FGFR2: variants seen among roughly 807,000 people sequenced by gnomAD.
The protein encoded by FGFR2 is BEK fibroblast growth factor receptor.
In FGFR2, 19 loss-of-function variants were observed where a neutral mutation model predicts 95.9. That is an observed-to-expected ratio of 0.20 (90% confidence interval 0.14 to 0.29). The LOEUF is 0.29. Among genes scored for constraint, FGFR2 ranks in the 10% least tolerant of loss-of-function variants. The probability of loss-of-function intolerance (pLI) is 1.00; values close to 1 mark genes in which losing one functional copy is unlikely to be tolerated. For missense variants in FGFR2, 707 were observed against 1,056.9 expected, an observed-to-expected ratio of 0.67 and a Z score of 4.59; for synonymous variants, 392 against 393.3, an observed-to-expected ratio of 1.00 and a Z score of 0.04.
intron 3 of FGFR2, 60 bp from the exon 4 acceptor site, chr10:121,564,639 T>G: frequency 6.8e-7 from 1 of 1,467,172 alleles, no homozygotes; most frequent in South Asian, 1.1e-5. Context: ...AGGTTGCAAT[T>G]ATCTACAACT....
intron 6 of FGFR2, among the ~76,000 whole-genome samples, chr10:121,522,814 A>AGGTG (rs759865566): frequency 3.9e-5 from 6 of 152,128 alleles, no homozygotes; most frequent in Non-Finnish European, 8.8e-5. Flanking sequence ...TTCCTCCCCT[A>AGGTG]GGTGTGGGTA....
At chr10:121,519,944 A>G (rs1047926589) in intron 7 of FGFR2, 35 bp downstream of exon 7, 1 of 1,604,086 alleles carries the variant, frequency 6.2e-7, no homozygotes, top group Non-Finnish European at 8.5e-7. Flanking sequence ...AGGAGACCCC[A>G]GTTGTGGGTA....
chr10:121,512,552 GT>G (rs1554925531), intron 9 of FGFR2, among the ~76,000 whole-genome samples: 8 of 151,512 alleles, frequency 5.3e-5, no homozygotes, highest in Non-Finnish European at 1.0e-4. Context: ...TTGGGTTTTT[GT>G]TTTGTTTTGT....
intron 6 of FGFR2, among the ~76,000 whole-genome samples, chr10:121,521,703 G>A (rs2981443): frequency 0.9 from 136,248 of 151,732 alleles, 62,985 homozygotes; most frequent in East Asian, 1. Context: ...GAACCCCTGC[G>A]CACTGTTGGT....
intron 13 of FGFR2, among the ~76,000 whole-genome samples, chr10:121,494,757 A>G (rs1846556276): frequency 6.6e-6 from 1 of 152,162 alleles, no homozygotes; most frequent in Admixed American, 6.5e-5. Flanking sequence ...TGGCTGGACC[A>G]CTTAAAACTG....
At chr10:121,486,367 G>C (rs181425865) in intron 15 of FGFR2, among the ~76,000 whole-genome samples, 1 of 152,270 alleles carries the variant, frequency 6.6e-6, no homozygotes, top group East Asian at 1.9e-4. Context: ...TAGGATTGTT[G>C]AGAGGACCAA....
intron 2 of FGFR2, among the ~76,000 whole-genome samples, chr10:121,581,941 T>TTTTTTA (rs56153419): frequency 3.6e-4 from 53 of 148,914 alleles, no homozygotes; most frequent in East Asian, 6.0e-4. Context: ...TGATTTTTTT[T>TTTTTTA]TTTATTTTTG....
intron 2 of FGFR2, among the ~76,000 whole-genome samples, chr10:121,583,768 A>G (rs1290209575): frequency 6.6e-6 from 1 of 151,808 alleles, no homozygotes; most frequent in Non-Finnish European, 1.5e-5. Flanking sequence ...GCAAAAAAAA[A>G]AAATCCTCCT....
Position 121,488,035 on chromosome 10 carries a change from C to T in FGFR2, c.1942G>A (p.Ala648Thr), listed in dbSNP as rs121918508. ...NVMKIADFGL[A>T]RDINNIDYYK... ...TAGTCTATATTGTTGATATCTCTGG[C>T]GAGTCCAAAGTCTGCTATTTTCATC... Residue 648 changes from alanine to threonine, a missense_variant, in exon 14 of 18, where the codon GCC becomes ACC. Physicochemically the swap from Ala to Thr is moderately conservative, Grantham distance 58 (BLOSUM62 0). Transcript: ENST00000358487. The T allele has an allele frequency of 6.2e-7, 1 of 1,614,030 alleles. No homozygotes were observed. Among genetic ancestry groups the T allele is most frequent in the Non-Finnish European group, 8.5e-7 (1 of 1,180,000 alleles).
At chr10:121,578,593 A>G (rs981503931) in intron 2 of FGFR2, among the ~76,000 whole-genome samples, 14 of 152,260 alleles carry the variant, frequency 9.2e-5, no homozygotes, top group African/African-American at 3.1e-4. Flanking sequence ...AGTTTAAGAC[A>G]GCTTCCTTGC....
chr10:121,566,607 G>A (rs1368527525), intron 2 of FGFR2, among the ~76,000 whole-genome samples: 1 of 152,118 alleles, frequency 6.6e-6, no homozygotes, highest in Non-Finnish European at 1.5e-5. Flanking sequence ...GGTCCTCCGT[G>A]ATGGGAGTCA....
rs148528454 is a variant in FGFR2 at position 121,559,420 on chromosome 10, G to A, written c.454+5082C>T. The stretch of plus-strand genomic sequence containing the variant: ...CCTTTCCTGCCTTGCCAATTACCCC[G>A]GCCGTGGCATTCCTCTGTCCACACA... On this transcript the variant is annotated intron_variant, in intron 4 of 17. Transcript: ENST00000358487. Among the ~76,000 whole-genome samples the A allele has an allele frequency of 3.3e-3, 506 of 152,240 alleles. 10 individuals carry two copies. The highest frequency in any genetic ancestry group is 0.023 in the East Asian group (121 of 5,186).
chr10:121,497,090 C>T (rs1055993203), intron 12 of FGFR2, among the ~76,000 whole-genome samples: 1 of 146,318 alleles, frequency 6.8e-6, no homozygotes, highest in Non-Finnish European at 1.5e-5. Flanking sequence ...GAGATCACAC[C>T]ACTGCACTGC....
At chr10:121,519,276 G>T (rs1464261468) in intron 7 of FGFR2, among the ~76,000 whole-genome samples, 1 of 152,142 alleles carries the variant, frequency 6.6e-6, no homozygotes, top group African/African-American at 2.4e-5. Flanking sequence ...AGCTGCCCCT[G>T]TCCTCAGTCT....
intron 2 of FGFR2, among the ~76,000 whole-genome samples, chr10:121,573,021 G>A (rs547897344): frequency 1.3e-5 from 2 of 152,386 alleles, no homozygotes; most frequent in African/African-American, 4.8e-5. Flanking sequence ...CTCAGCGGGA[G>A]GGTTGTCTTG....
chr10:121,589,045 A>G (rs1260698524), intron 2 of FGFR2, among the ~76,000 whole-genome samples: 2 of 152,198 alleles, frequency 1.3e-5, no homozygotes, highest in Non-Finnish European at 2.9e-5. Flanking sequence ...AGCCTAAAAA[A>G]CTTCCAAAAA....
At position 121,518,713 on chromosome 10, in the gene FGFR2, A is replaced by C; in HGVS notation, c.940-1250T>G. On this transcript the variant is annotated intron_variant, in intron 7 of 17. Transcript: ENST00000358487. This position sits in a 1 kb window ranked among gnomAD's most constrained non-coding sequence, Gnocchi z 4.0. Reference sequence around the variant, plus strand: ...GTTTTGGCAGGACAGTGAGCCAGGCAGACTGGTTGGCCTGCCCTATATAAT... The same window carrying C: ...GTTTTGGCAGGACAGTGAGCCAGGCCGACTGGTTGGCCTGCCCTATATAAT... The C allele has an allele frequency of 6.2e-7, 1 of 1,614,246 alleles. No individual in the cohort carries two copies. The highest frequency in any genetic ancestry group is 1.1e-5 in the South Asian group (1 of 91,086).
chr10:121,533,130 T>A lies in FGFR2; in HGVS notation c.748+5462A>T, dbSNP rs554191502. 4.6e-5 allele frequency among the ~76,000 whole-genome samples: 7 copies of A among 152,322 alleles called. 1 individual carries two copies. Among genetic ancestry groups the A allele is most frequent in the African/African-American group, 1.7e-4 (7 of 41,580 alleles). On this transcript the variant is annotated intron_variant, in intron 6 of 17. Transcript: ENST00000358487. ...AAGACCGGGCACGGTGGCTCATGCC[T>A]GTAATCTTGGCACTTTGGGAGGCCG...
At chr10:121,527,000 A>G (rs1851469884) in intron 6 of FGFR2, 2 of 368,582 alleles carry the variant, frequency 5.4e-6, no homozygotes, top group Admixed American at 4.6e-5. Context: ...TCCTCCCTCC[A>G]GCACTAAAGT....
Sources: gnomAD v4.1 joint callset for allele counts (sites outside exome capture counted in the v4.1 genomes callset) on GRCh38, gnomAD v4.1.1 for gene constraint, Gnocchi (gnomAD v3.1) non-coding constraint, MANE v1.5 for transcripts, NCBI Gene and HGNC (gene_info 2026-07-23, HGNC 2026-07-21) for gene names.